ZBTB49: variants seen among roughly 807,000 people sequenced by gnomAD.
The protein encoded by ZBTB49 is zinc finger and BTB domain containing 49, also known as zinc finger and BTB domain-containing protein 49.
ZBTB49 carries 43 observed loss-of-function variants against 57.5 expected under a neutral mutation model. The ratio of observed to expected loss-of-function variants is 0.75; its 90% CI spans 0.59 to 0.97. ZBTB49 has a LOEUF of 0.97. Ranked by LOEUF, ZBTB49 falls within the 50% of genes least tolerant of loss-of-function variation. The pLI is 0.00. For missense variants in ZBTB49, 938 were observed against 947.7 expected, an observed-to-expected ratio of 0.99 and a Z score of 0.13; for synonymous variants, 369 against 362.1, an observed-to-expected ratio of 1.02 and a Z score of -0.22.
chr4:4,293,408 G>T (rs1720036457), intron 1 of ZBTB49, among the ~76,000 whole-genome samples: 1 of 152,220 alleles, frequency 6.6e-6, no homozygotes, highest in African/African-American at 2.4e-5. Context: ...GACTGAAGAG[G>T]CAGCTGATTC....
intron 4 of ZBTB49, among the ~76,000 whole-genome samples, chr4:4,309,374 C>G (rs767281472): frequency 2.0e-5 from 3 of 152,124 alleles, no homozygotes; most frequent in Non-Finnish European, 2.9e-5. Context: ...ATGACTGAGT[C>G]GCAGTCAGAG....
At chr4:4,298,596 T>C (rs1183336013) in intron 1 of ZBTB49, among the ~76,000 whole-genome samples, 1 of 152,028 alleles carries the variant, frequency 6.6e-6, no homozygotes, top group Non-Finnish European at 1.5e-5. Context: ...CTAGCTAATT[T>C]TTGTTTTTAT....
chr4:4,296,554 T>C (rs1720212690), intron 1 of ZBTB49, among the ~76,000 whole-genome samples: 1 of 152,202 alleles, frequency 6.6e-6, no homozygotes, highest in African/African-American at 2.4e-5. Flanking sequence ...CTGCCAAGAT[T>C]GTGAGGCCTC....
Position 4,302,820 on chromosome 4 carries a change from G to C in ZBTB49, c.984G>C (p.Lys328Asn). ...QKYAEQVSEP[K>N]SDDGLTKRLE... ...ACGCAGAGCAAGTATCTGAACCCAAGTCAGATGATGGTTTGACAAAGAGGT... is the reference window on the plus strand; with the variant it reads ...ACGCAGAGCAAGTATCTGAACCCAACTCAGATGATGGTTTGACAAAGAGGT... Residue 328 changes from lysine (K) to asparagine (N), a missense_variant, in exon 3 of 8, where the codon AAG becomes AAC. By Grantham distance (94) the Lys-to-Asn change is moderately conservative. Transcript: ENST00000337872. 1 of 1,614,024 alleles carries C rather than the reference G, an allele frequency of 6.2e-7. No homozygotes were observed.
chr4:4,320,101 G>T (rs896861120), intron 7 of ZBTB49, among the ~76,000 whole-genome samples: 1 of 152,060 alleles, frequency 6.6e-6, no homozygotes. Flanking sequence ...TAGAAAAGAT[G>T]TTTCTAAATT....
intron 4 of ZBTB49, among the ~76,000 whole-genome samples, chr4:4,312,332 T>G (rs1721010719): frequency 6.6e-6 from 1 of 152,232 alleles, no homozygotes; most frequent in South Asian, 2.1e-4. Flanking sequence ...AGTTTTAATT[T>G]CGCTGTACTT....
intron 3 of ZBTB49, among the ~76,000 whole-genome samples, chr4:4,304,306 A>G (rs919157774): frequency 7.3e-5 from 11 of 151,382 alleles, no homozygotes; most frequent in African/African-American, 1.9e-4. Context: ...GCTCACTGCA[A>G]CCTCTGCCTC....
chr4:4,315,871 A>G lies in ZBTB49; in HGVS notation c.1522A>G (p.Thr508Ala), dbSNP rs773567226. The G allele has an allele frequency of 3.1e-6, 5 of 1,614,238 alleles. No homozygotes were observed. The highest frequency in any genetic ancestry group is 2.5e-6 in the Non-Finnish European group (3 of 1,180,038). ...KKTHTADKVF[T>A]CDECGKSFNM... is the part of the protein sequence containing the mutation. ...GACACACACGGCTGATAAAGTCTTC[A>G]CCTGTGATGAGTGTGGAAAGTCTTT... Residue 508 changes from threonine to alanine, a missense_variant, in exon 7 of 8, where the codon ACC becomes GCC. Around this residue, in one of 3 missense-constraint regions of ZBTB49, gnomAD observed 835 missense variants for 819.1 expected, o/e 1.02. Coordinates refer to ENST00000337872, the MANE Select transcript of ZBTB49 (RefSeq NM_145291.4).
chr4:4,316,077 T>A, intron 7 of ZBTB49, 107 bp downstream of exon 7: 2 of 1,428,628 alleles, frequency 1.4e-6, no homozygotes, highest in Non-Finnish European at 1.9e-6. Context: ...CTTTGTTTCC[T>A]CCTGTTTTTT....
chr4:4,294,209 T>C (rs1720079172), intron 1 of ZBTB49, among the ~76,000 whole-genome samples: 2 of 152,218 alleles, frequency 1.3e-5, no homozygotes, highest in African/African-American at 4.8e-5. Context: ...ATACAATTTT[T>C]TTTCCAGACC....
intron 7 of ZBTB49, 25 bp downstream of exon 7, chr4:4,315,995 C>G (rs747405259): frequency 9.3e-6 from 15 of 1,611,230 alleles, no homozygotes; most frequent in Admixed American, 3.3e-5. Flanking sequence ...CTGGCTGTCC[C>G]CTAGTCATCT....
Position 4,302,593 on chromosome 4 carries a change from G to C in ZBTB49, c.757G>C (p.Glu253Gln). 1 of 1,613,942 alleles carries C rather than the reference G, an allele frequency of 6.2e-7. No individual in the cohort carries two copies. Among genetic ancestry groups the C allele is most frequent in the Non-Finnish European group, 8.5e-7 (1 of 1,179,946 alleles). ...CACCTCTACAGACCTTACCACGGTAGAGAGCCAGCCTTGTGCCGTCAGTCA... is the reference window on the plus strand; with the variant it reads ...CACCTCTACAGACCTTACCACGGTACAGAGCCAGCCTTGTGCCGTCAGTCA... ...FSTSTDLTTV[E>Q]SQPCAVSHSE... Residue 253 changes from glutamate to glutamine, a missense_variant, in exon 3 of 8, where the codon GAG (glutamate) becomes CAG (glutamine). By Grantham distance (29) the Glu-to-Gln change is conservative. Around this residue, in one of 3 missense-constraint regions of ZBTB49, gnomAD observed 835 missense variants for 819.1 expected, o/e 1.02. Transcript: ENST00000337872.
At chr4:4,320,232 C>T (rs1721349504) in intron 7 of ZBTB49, among the ~76,000 whole-genome samples, 1 of 152,192 alleles carries the variant, frequency 6.6e-6, no homozygotes, top group Non-Finnish European at 1.5e-5. Context: ...CAGTGAGAAT[C>T]GAAGGACTGA....
chr4:4,321,488 G>C lies in ZBTB49; in HGVS notation c.*172G>C, dbSNP rs1577252749. 1 of 761,856 alleles carries C rather than the reference G, an allele frequency of 1.3e-6. No individual in the cohort carries two copies. Among genetic ancestry groups the C allele is most frequent in the Non-Finnish European group, 2.1e-6 (1 of 486,230 alleles). 47.2% of individuals were successfully genotyped at this position (761,856 alleles called of 1,614,324 possible). On this transcript the variant is annotated 3_prime_UTR_variant, in exon 8 of 8. Coordinates refer to ENST00000337872, the MANE Select transcript of ZBTB49 (RefSeq NM_145291.4). ...AAGCATCTTGAGCTGGGGGTGTGAGGGGGAGGGCCTGCTGGCTCACCGTGA... is the reference window on the plus strand; with the variant it reads ...AAGCATCTTGAGCTGGGGGTGTGAGCGGGAGGGCCTGCTGGCTCACCGTGA...
intron 7 of ZBTB49, 95 bp from the exon 8 acceptor site, chr4:4,320,545 A>G (rs998064956): frequency 6.7e-7 from 1 of 1,491,114 alleles, no homozygotes; most frequent in Non-Finnish European, 9.1e-7. Flanking sequence ...GAGGCTGAGG[A>G]AGAAGGATTG....
rs1316967773 is a variant in ZBTB49 at position 4,320,927 on chromosome 4, G to A, written c.1909G>A (p.Val637Met). Reference protein sequence around the residue: ...PVSVKLPVHPVENSVAEFDSH... With the variant: ...PVSVKLPVHPMENSVAEFDSH... Reference sequence around the variant, plus strand: ...GTCGGTTAAACTCCCTGTCCACCCAGTGGAAAATTCTGTGGCAGAATTTGA... The same window carrying A: ...GTCGGTTAAACTCCCTGTCCACCCAATGGAAAATTCTGTGGCAGAATTTGA... Residue 637 changes from valine to methionine, a missense_variant, in exon 8 of 8, where the codon GTG (valine) becomes ATG (methionine). Physicochemically the swap from Val to Met is conservative, Grantham distance 21 (BLOSUM62 1). This residue lies in a region of ZBTB49 where 835 missense variants were observed against 819.1 expected (regional missense o/e 1.02). Transcript: ENST00000337872. 4.3e-6 allele frequency: 7 copies of A among 1,614,110 alleles called. No individual in the cohort carries two copies. Among genetic ancestry groups the A allele is most frequent in the East Asian group, 4.5e-5 (2 of 44,898 alleles).
chr4:4,302,074 G>T lies in ZBTB49; in HGVS notation c.238G>T (p.Asp80Tyr), dbSNP rs758184696. 10 of 1,613,418 alleles carry T rather than the reference G, an allele frequency of 6.2e-6. No individual in the cohort carries two copies. The highest frequency in any genetic ancestry group is 4.0e-5 in the African/African-American group (3 of 74,908). ...KNVSGIGQIL[D>Y]FMYTSHLDLN... ...TGTCAGTGGCATAGGGCAGATCCTG[G>T]ACTTCATGTACACTTCTCATCTAGA... is the stretch of plus-strand genomic sequence containing the variant. Residue 80 changes from aspartate to tyrosine, a missense_variant, in exon 3 of 8, where the codon GAC becomes TAC. Transcript: ENST00000337872.
In ZBTB49 at chr4:4,310,490, CTAT is replaced by C. The variant is rs1230287537; in HGVS notation, c.1303-2545_1303-2543del. On this transcript the variant is annotated intron_variant, in intron 4 of 7. Transcript: ENST00000337872. ...ATAGTAAGTTCTTAATAAACGAGAG[CTAT>C]TATTACCACTTGCTAGAATTTTTTT... 4.6e-5 allele frequency among the ~76,000 whole-genome samples: 7 copies of C among 151,388 alleles called. 1 individual carries two copies. Among genetic ancestry groups the C allele is most frequent in the African/African-American group, 1.5e-4 (6 of 41,288 alleles).
At chr4:4,294,014 T>G (rs1720068369) in intron 1 of ZBTB49, among the ~76,000 whole-genome samples, 1 of 152,252 alleles carries the variant, frequency 6.6e-6, no homozygotes, top group Non-Finnish European at 1.5e-5. Flanking sequence ...AAATTCCTCA[T>G]TGTCCTCACC....
Sources: gnomAD v4.1 joint callset for allele counts (sites outside exome capture counted in the v4.1 genomes callset) on GRCh38, gnomAD v4.1.1 for gene constraint, gnomAD v4.1.1 regional missense constraint, MANE v1.5 for transcripts, NCBI Gene and HGNC (gene_info 2026-07-23, HGNC 2026-07-21) for gene names.